The following SPECC1L variants were observed in gnomAD, a reference collection of about 807,000 sequenced individuals.
The protein encoded by SPECC1L is sperm antigen with calponin homology and coiled-coil domains 1 like.
Under a neutral mutation model 116.8 loss-of-function variants are expected in SPECC1L, and 40 were observed. That is an observed-to-expected ratio of 0.34 (90% CI 0.27 to 0.45). SPECC1L has a LOEUF of 0.45. SPECC1L is among the 20% of genes least tolerant of loss of function. The pLI is 1.00. For synonymous variants in SPECC1L, 504 were observed against 500.6 expected, an observed-to-expected ratio of 1.01 and a Z score of -0.09; for missense variants, 1,110 against 1,373.6, an observed-to-expected ratio of 0.81 and a Z score of 3.03.
intron 14 of SPECC1L, among the ~76,000 whole-genome samples, chr22:24,378,617 C>T (rs1474946675): frequency 2.6e-5 from 4 of 152,098 alleles, no homozygotes; most frequent in African/African-American, 9.7e-5. Context: ...CACTTAGAGG[C>T]CATTGTAGGG....
intron 14 of SPECC1L, among the ~76,000 whole-genome samples, chr22:24,376,188 T>C (rs1268791678): frequency 6.6e-6 from 1 of 152,154 alleles, no homozygotes; most frequent in Non-Finnish European, 1.5e-5. Flanking sequence ...GATGATGTGA[T>C]TTATGTCTAG....
intron 10 of SPECC1L, among the ~76,000 whole-genome samples, chr22:24,343,135 A>G (rs578094565): frequency 1.4e-4 from 22 of 152,276 alleles, no homozygotes; most frequent in African/African-American, 5.3e-4. Context: ...CAGAGGTTGC[A>G]GTGAGCTGAG....
At chr22:24,410,951 G>T (rs1422332828) in intron 14 of SPECC1L, among the ~76,000 whole-genome samples, 1 of 152,128 alleles carries the variant, frequency 6.6e-6, no homozygotes, top group Non-Finnish European at 1.5e-5. Context: ...CACTTCGGGA[G>T]GCCAAGGCGG....
intron 12 of SPECC1L, among the ~76,000 whole-genome samples, chr22:24,365,115 C>T (rs143588637): frequency 0.025 from 3,770 of 152,150 alleles, 71 homozygotes; most frequent in African/African-American, 0.051. Context: ...TTAAGCAATT[C>T]TCCTGCCCCA....
chr22:24,333,795 A>G (rs1001721567), intron 8 of SPECC1L, among the ~76,000 whole-genome samples: 8 of 151,994 alleles, frequency 5.3e-5, no homozygotes, highest in Non-Finnish European at 7.4e-5. Flanking sequence ...GCTCTGAGCC[A>G]GTCTACCTCC....
At chr22:24,371,695 A>G (rs1444694443) in intron 14 of SPECC1L, among the ~76,000 whole-genome samples, 1 of 152,210 alleles carries the variant, frequency 6.6e-6, no homozygotes, top group African/African-American at 2.4e-5. Flanking sequence ...AGCAGTTCTC[A>G]AGGGGATTGA....
At chr22:24,279,583 ATTAT>A (rs1261332721) in intron 2 of SPECC1L, among the ~76,000 whole-genome samples, 2 of 150,588 alleles carry the variant, frequency 1.3e-5, no homozygotes, top group African/African-American at 4.9e-5. Flanking sequence ...TATTATTATT[ATTAT>A]TTATTATTTT....
At chr22:24,334,288 A>C (rs1160850917) in intron 8 of SPECC1L, 122 bp from the exon 9 acceptor site, 1 of 949,484 alleles carries the variant, frequency 1.1e-6, no homozygotes, top group Non-Finnish European at 1.7e-6. Flanking sequence ...CTGGGATTAC[A>C]GGTGTGAGCC....
intron 14 of SPECC1L, among the ~76,000 whole-genome samples, chr22:24,406,754 G>A (rs947050670): frequency 1.9e-4 from 29 of 152,276 alleles, no homozygotes; most frequent in African/African-American, 7.0e-4. Context: ...AATATTAACG[G>A]GCCGTGGTGG....
intron 2 of SPECC1L, among the ~76,000 whole-genome samples, chr22:24,281,785 C>T (rs1291767751): frequency 6.6e-6 from 1 of 152,174 alleles, no homozygotes; most frequent in African/African-American, 2.4e-5. Flanking sequence ...GTTTTTCCTT[C>T]CTTTACTGCA....
At chr22:24,359,314 T>TA (rs1345996814) in intron 11 of SPECC1L, among the ~76,000 whole-genome samples, 7 of 152,168 alleles carry the variant, frequency 4.6e-5, no homozygotes, top group African/African-American at 1.7e-4. Flanking sequence ...CCTGTGTGCT[T>TA]ACAGTTTCGA....
intron 14 of SPECC1L, among the ~76,000 whole-genome samples, chr22:24,376,047 G>A (rs1473270042): frequency 3.3e-5 from 5 of 152,024 alleles, no homozygotes; most frequent in Admixed American, 1.3e-4. Context: ...TTAAGATCAG[G>A]AACAAGAAAG....
intron 11 of SPECC1L, among the ~76,000 whole-genome samples, chr22:24,350,878 G>A (rs1460944656): frequency 5.3e-5 from 8 of 152,230 alleles, no homozygotes; most frequent in Admixed American, 6.5e-5. Flanking sequence ...TCCAGCCTGG[G>A]CACGGTGGTG....
chr22:24,332,973 G>A (rs5760350), intron 8 of SPECC1L, among the ~76,000 whole-genome samples: 6,760 of 152,080 alleles, frequency 0.044, 336 homozygotes, highest in South Asian at 0.14. Context: ...TCATGCCTGT[G>A]GTCCCAGCAC....
chr22:24,377,342 A>G lies in SPECC1L; in HGVS notation c.3087+8022A>G, dbSNP rs138965615. 1.2e-3 allele frequency among the ~76,000 whole-genome samples: 189 copies of G among 151,954 alleles called. 1 individual carries two copies. Among genetic ancestry groups the G allele is most frequent in the Non-Finnish European group, 2.3e-3 (154 of 67,948 alleles). On this transcript the variant is annotated intron_variant, in intron 14 of 16. Coordinates refer to ENST00000314328, the MANE Select transcript of SPECC1L (RefSeq NM_015330.6). ...TTTTTTTTCGACATGAGGTCTCACT[A>G]TGTTTCCCAGGCTGGTCTCAAGTGA...
chr22:24,292,331 T>C (rs979861597), intron 2 of SPECC1L, among the ~76,000 whole-genome samples: 13 of 152,226 alleles, frequency 8.5e-5, no homozygotes, highest in Non-Finnish European at 1.6e-4. Flanking sequence ...TCTGAACCAC[T>C]GAAATAAGTT....
intron 9 of SPECC1L, among the ~76,000 whole-genome samples, chr22:24,337,184 A>C (rs1410438406): frequency 6.6e-6 from 1 of 152,258 alleles, no homozygotes; most frequent in Non-Finnish European, 1.5e-5. Flanking sequence ...AAGTAACCCA[A>C]GTATCCATGC....
chr22:24,344,374 A>G (rs1286662908), intron 10 of SPECC1L, among the ~76,000 whole-genome samples: 3 of 152,146 alleles, frequency 2.0e-5, no homozygotes, highest in Admixed American at 6.5e-5. Flanking sequence ...CAACGTATTT[A>G]GAAAACTATT....
intron 10 of SPECC1L, among the ~76,000 whole-genome samples, chr22:24,342,977 G>A (rs370674808): frequency 6.6e-6 from 1 of 152,108 alleles, no homozygotes; most frequent in Non-Finnish European, 1.5e-5. Flanking sequence ...CAGATCACCT[G>A]AGCTCAGGAG....
Sources: allele counts gnomAD v4.1 joint callset (sites outside exome capture counted in the v4.1 genomes callset), GRCh38; gene constraint gnomAD v4.1.1; transcripts MANE v1.5; gene names NCBI Gene and HGNC (gene_info 2026-07-23, HGNC 2026-07-21).